AGMO: variants seen among roughly 807,000 people sequenced by gnomAD.
The protein encoded by AGMO is alkylglycerol monooxygenase, also known as glyceryl-ether monooxygenase.
A neutral mutation model predicts 60.2 loss-of-function variants in AGMO; 75 were observed. The observed-to-expected ratio is 1.25, with a 90% CI of 1.03 to 1.51. The LOEUF (loss-of-function observed/expected upper bound fraction) is 1.51, where lower values mean the gene tolerates loss of function less well. Among genes scored for constraint, AGMO ranks in the 40% most tolerant of loss-of-function variants. The pLI is 0.00. For missense variants in AGMO, 763 were observed against 525.5 expected (o/e 1.45, Z -4.42); for synonymous variants, 261 against 177.1 (o/e 1.47, Z -3.76).
In AGMO at chr7:15,561,729, A is replaced by T. The variant is rs375176381; in HGVS notation, c.117T>A (p.Tyr39Ter). 2.1e-5 allele frequency: 33 copies of T among 1,604,898 alleles called. No individual in the cohort carries two copies. Among genetic ancestry groups the T allele is most frequent in the Non-Finnish European group, 2.7e-5 (32 of 1,175,160 alleles). ...SFQTLEEVPD[Y>*]VKKATPFFIS... ...TCCAATAAAGTCTCACCTTTTTTAC[A>T]TAATCAGGCACCTCTTCTAATGTTT... Residue 39 changes from tyrosine to a stop codon, truncating the protein, a stop_gained, in exon 1 of 13, where the codon TAT becomes TAA. Coordinates refer to ENST00000342526, the MANE Select transcript of AGMO (RefSeq NM_001004320.2). LOFTEE classifies it high-confidence loss of function.
At chr7:15,456,611 T>C (rs1233740262) in intron 3 of AGMO, among the ~76,000 whole-genome samples, 1 of 152,154 alleles carries the variant, frequency 6.6e-6, no homozygotes, top group Admixed American at 6.5e-5. Context: ...AGTAAGGAAA[T>C]AGTTCGCTCA....
intron 3 of AGMO, among the ~76,000 whole-genome samples, chr7:15,456,111 T>C (rs982656521): frequency 1.3e-5 from 2 of 152,210 alleles, no homozygotes; most frequent in African/African-American, 4.8e-5. Flanking sequence ...AAAAATTCTA[T>C]CTTATGGAAG....
At chr7:15,232,074 T>C (rs1782278509) in intron 12 of AGMO, among the ~76,000 whole-genome samples, 1 of 152,204 alleles carries the variant, frequency 6.6e-6, no homozygotes, top group African/African-American at 2.4e-5. Context: ...CACAAAATCA[T>C]AAGCGATTTT....
Position 15,385,503 on chromosome 7 carries a change from T to C in AGMO, c.1017A>G (p.Thr339=). The C allele has an allele frequency of 1.2e-6, 2 of 1,613,344 alleles. No individual in the cohort carries two copies. Among genetic ancestry groups the C allele is most frequent in the Non-Finnish European group, 1.7e-6 (2 of 1,179,500 alleles). Residue 339 remains threonine, a synonymous_variant, in exon 10 of 13, where the codon ACA becomes ACG. Coordinates refer to ENST00000342526, the MANE Select transcript of AGMO (RefSeq NM_001004320.2). ...SSSSQLLKIY[T]VVQFALMLAF... Reference sequence around the variant, plus strand: ...CCAACATCAGAGCAAACTGTACAACTGTATATATCTTTAATAGCTGAGATG... The same window carrying C: ...CCAACATCAGAGCAAACTGTACAACCGTATATATCTTTAATAGCTGAGATG...
intron 3 of AGMO, among the ~76,000 whole-genome samples, chr7:15,492,211 AAGAAGT>A (rs1462142192): frequency 1.3e-5 from 2 of 152,154 alleles, no homozygotes; most frequent in Non-Finnish European, 2.9e-5. Context: ...CTAATTATCA[AAGAAGT>A]TCAGTGGCTT....
chr7:15,336,858 A>T (rs1349399651), intron 12 of AGMO, among the ~76,000 whole-genome samples: 1 of 152,176 alleles, frequency 6.6e-6, no homozygotes, highest in Non-Finnish European at 1.5e-5. Context: ...AGATGGCCTA[A>T]ATTGTATTTA....
At chr7:15,358,449 A>C (rs1562455570) in intron 12 of AGMO, 2 of 471,032 alleles carry the variant, frequency 4.2e-6, no homozygotes, top group Admixed American at 4.7e-5. Context: ...GTGTTTCCTA[A>C]AGGGTGAGAT....
intron 12 of AGMO, among the ~76,000 whole-genome samples, chr7:15,320,998 C>T (rs1022843730): frequency 6.6e-6 from 1 of 152,176 alleles, no homozygotes; most frequent in African/African-American, 2.4e-5. Flanking sequence ...ACCACCCACT[C>T]ACCCTGTCCT....
intron 12 of AGMO, among the ~76,000 whole-genome samples, chr7:15,219,950 T>C (rs1781866440): frequency 6.6e-6 from 1 of 152,140 alleles, no homozygotes; most frequent in African/African-American, 2.4e-5. Context: ...CCCAGATCTT[T>C]CCTGTTGTAC....
chr7:15,489,606 A>G (rs1480480233), intron 3 of AGMO, among the ~76,000 whole-genome samples: 2 of 152,098 alleles, frequency 1.3e-5, no homozygotes, highest in African/African-American at 2.4e-5. Flanking sequence ...AATAACATCC[A>G]TCTACTGCTC....
At chr7:15,314,094 C>T (rs1372860062) in intron 12 of AGMO, among the ~76,000 whole-genome samples, 1 of 151,926 alleles carries the variant, frequency 6.6e-6, no homozygotes, top group Non-Finnish European at 1.5e-5. Context: ...TGGATGTCAG[C>T]AGCAGATAAT....
chr7:15,284,731 T>G (rs1412230019), intron 12 of AGMO, among the ~76,000 whole-genome samples: 2 of 151,876 alleles, frequency 1.3e-5, no homozygotes, highest in African/African-American at 4.8e-5. Flanking sequence ...GAAGCCATTA[T>G]CACCCTGATA....
intron 3 of AGMO, among the ~76,000 whole-genome samples, chr7:15,509,531 T>A (rs935691032): frequency 3.6e-4 from 55 of 152,260 alleles, no homozygotes; most frequent in African/African-American, 1.3e-3. Flanking sequence ...TGGAAATTTT[T>A]TTTCTTGATA....
intron 3 of AGMO, among the ~76,000 whole-genome samples, chr7:15,496,349 T>C (rs991780091): frequency 7.9e-5 from 12 of 152,184 alleles, no homozygotes; most frequent in African/African-American, 2.7e-4. Flanking sequence ...TAAATCAATG[T>C]TATACCTCAA....
intron 5 of AGMO, among the ~76,000 whole-genome samples, chr7:15,407,949 C>G (rs1404254322): frequency 6.6e-6 from 1 of 151,844 alleles, no homozygotes; most frequent in African/African-American, 2.4e-5. Context: ...GTGCTCCTAA[C>G]TCTTAACTAC....
At chr7:15,269,551 T>G (rs116100992) in intron 12 of AGMO, among the ~76,000 whole-genome samples, 3,385 of 152,042 alleles carry the variant, frequency 0.022, 123 homozygotes, top group African/African-American at 0.078. Context: ...GGGTAGTTAT[T>G]GAGGGTAATA....
intron 12 of AGMO, among the ~76,000 whole-genome samples, chr7:15,276,298 G>A (rs1295595738): frequency 1.3e-5 from 2 of 152,070 alleles, no homozygotes; most frequent in East Asian, 3.9e-4. Context: ...TGCACAGTTT[G>A]GCAGGATACA....
chr7:15,450,476 A>G (rs1781830034), intron 3 of AGMO, among the ~76,000 whole-genome samples: 1 of 152,058 alleles, frequency 6.6e-6, no homozygotes, highest in Admixed American at 6.6e-5. Flanking sequence ...TACTGAAAAT[A>G]TTAATTTTTC....
At chr7:15,136,849 C>T in the AGMO span, among the ~76,000 whole-genome samples, 693 of 152,204 alleles carry the variant, frequency 4.6e-3, 2 homozygotes, top group Non-Finnish European at 7.1e-3. Flanking sequence ...CAGAATCCTC[C>T]TGTGGGATGG....
Sources: allele counts gnomAD v4.1 joint callset (sites outside exome capture counted in the v4.1 genomes callset), GRCh38; gene constraint gnomAD v4.1.1; transcripts MANE v1.5; gene names NCBI Gene and HGNC (gene_info 2026-07-23, HGNC 2026-07-21).